The following RYR2 variants were observed in gnomAD, a reference collection of about 807,000 sequenced individuals.
The protein encoded by RYR2 is cardiac muscle ryanodine receptor-calcium release channel.
In RYR2, 227 loss-of-function variants were observed where a neutral mutation model predicts 601.1. The observed-to-expected ratio is 0.38, with a 90% CI of 0.34 to 0.42. The LOEUF is 0.42. Ranked by LOEUF, RYR2 falls within the 10% of genes least tolerant of loss-of-function variation. RYR2 has a pLI of 1.00. For synonymous variants in RYR2, 2,223 were observed against 2,175.1 expected, an observed-to-expected ratio of 1.02 and a Z score of -0.61; for missense variants, 4,646 against 6,156.5, an observed-to-expected ratio of 0.75 and a Z score of 8.21.
At chr1:237,551,169 G>C (rs1309812543) in intron 27 of RYR2, among the ~76,000 whole-genome samples, 2 of 152,158 alleles carry the variant, frequency 1.3e-5, no homozygotes, top group African/African-American at 4.8e-5. Flanking sequence ...AACTAACTAT[G>C]TGTTGAACAC....
intron 1 of RYR2, among the ~76,000 whole-genome samples, chr1:237,141,735 T>C (rs1448490725): frequency 6.6e-6 from 1 of 152,236 alleles, no homozygotes; most frequent in African/African-American, 2.4e-5. Context: ...GCTAATTTTC[T>C]GGCTCTTTGC....
rs748626622 is a variant in RYR2 at position 237,700,436 on chromosome 1, T to G, written c.9336T>G (p.Ile3112Met). ...TGCTGTCTTCATTATTTGAACATAT[T>G]GGCCAGCATCAGTTCGGAGAAGACC... ...LPMLSSLFEH[I>M]GQHQFGEDLI... The change falls in exon 65 of 105, where the codon ATT becomes ATG. Residue 3112 changes from isoleucine to methionine, a missense_variant. Ile to Met is a conservative substitution (Grantham distance 10). Around this residue, in one of 17 missense-constraint regions of RYR2, gnomAD observed 1,497 missense variants for 1,842.6 expected, o/e 0.81. Transcript: ENST00000366574. The G allele has an allele frequency of 3.1e-6, 5 of 1,601,086 alleles. No individual in the cohort carries two copies. Among genetic ancestry groups the G allele is most frequent in the Non-Finnish European group, 4.3e-6 (5 of 1,170,514 alleles).
chr1:237,566,850 C>A, intron 28 of RYR2, 75 bp downstream of exon 28: 2 of 1,440,450 alleles, frequency 1.4e-6, no homozygotes, highest in Non-Finnish European at 2.0e-6. Flanking sequence ...CTCTTGGTAG[C>A]TTCACAGTAC....
chr1:237,514,363 G>A (rs939975263), intron 24 of RYR2, among the ~76,000 whole-genome samples: 9 of 152,164 alleles, frequency 5.9e-5, no homozygotes, highest in Non-Finnish European at 1.0e-4. Context: ...CCAGCTGCTG[G>A]TGGCTGATTT....
intron 24 of RYR2, among the ~76,000 whole-genome samples, chr1:237,520,684 T>G (rs1379275821): frequency 6.6e-6 from 1 of 152,076 alleles, no homozygotes; most frequent in Non-Finnish European, 1.5e-5. Flanking sequence ...GCAGCCTCCC[T>G]CCCAAGACTG....
intron 22 of RYR2, 124 bp downstream of exon 22, chr1:237,503,629 G>A: frequency 2.4e-6 from 2 of 830,286 alleles, no homozygotes; most frequent in Non-Finnish European, 3.9e-6. Flanking sequence ...CAGTTGACAT[G>A]TAGGACTGAA....
intron 15 of RYR2, among the ~76,000 whole-genome samples, chr1:237,456,234 C>G (rs1006680081): frequency 6.6e-6 from 1 of 152,092 alleles, no homozygotes; most frequent in Non-Finnish European, 1.5e-5. Context: ...TTTTCATGAG[C>G]TTTACCTGAT....
At chr1:237,686,942 G>A (rs1157743325) in intron 62 of RYR2, among the ~76,000 whole-genome samples, 1 of 152,186 alleles carries the variant, frequency 6.6e-6, no homozygotes, top group Non-Finnish European at 1.5e-5. Flanking sequence ...TGTGATCAAG[G>A]TTGGGGACGA....
intron 1 of RYR2, among the ~76,000 whole-genome samples, chr1:237,127,058 C>G (rs1370086994): frequency 6.6e-6 from 1 of 151,710 alleles, no homozygotes; most frequent in Non-Finnish European, 1.5e-5. Flanking sequence ...CCATTTAACC[C>G]TGAGTGGACA....
chr1:237,589,295 C>CT (rs201322834), intron 29 of RYR2, among the ~76,000 whole-genome samples: 5 of 152,132 alleles, frequency 3.3e-5, no homozygotes, highest in African/African-American at 9.6e-5. Flanking sequence ...GCCTCCAATT[C>CT]TTTTTTTTCT....
chr1:237,577,549 T>TGTGTG (rs1673393552), intron 29 of RYR2, among the ~76,000 whole-genome samples: 7 of 47,612 alleles, frequency 1.5e-4, no homozygotes, highest in Non-Finnish European at 2.1e-4. Flanking sequence ...TGTGTGTGTG[T>TGTGTG]TTGAGAGAGA....
intron 3 of RYR2, among the ~76,000 whole-genome samples, chr1:237,349,028 G>A (rs1036493724): frequency 4.6e-5 from 7 of 152,166 alleles, no homozygotes; most frequent in African/African-American, 1.7e-4. Context: ...TGCATTAACT[G>A]TAGTAATAAA....
chr1:237,703,989 T>C (rs1269976975), intron 66 of RYR2, among the ~76,000 whole-genome samples: 1 of 152,242 alleles, frequency 6.6e-6, no homozygotes, highest in Non-Finnish European at 1.5e-5. Flanking sequence ...CTGATAAATA[T>C]TATAGTGGCA....
intron 75 of RYR2, 34 bp downstream of exon 75, chr1:237,726,342 A>G (rs1690196034): frequency 9.9e-6 from 14 of 1,415,440 alleles, no homozygotes; most frequent in Non-Finnish European, 1.4e-5. Flanking sequence ...AGAGATTACT[A>G]ATTAATTTAG....
At chr1:237,706,864 A>G (rs1482214111) in intron 67 of RYR2, 85 bp from the exon 68 acceptor site, 13 of 1,218,972 alleles carry the variant, frequency 1.1e-5, no homozygotes, top group Admixed American at 5.6e-5. Context: ...TTGAAGTCCA[A>G]AATGAAATAG....
intron 1 of RYR2, among the ~76,000 whole-genome samples, chr1:237,262,336 A>G (rs574068038): frequency 7.4e-6 from 1 of 134,710 alleles, no homozygotes; most frequent in Non-Finnish European, 1.5e-5. Context: ...GCTCACTGCA[A>G]CCTCCGCCTC....
intron 2 of RYR2, among the ~76,000 whole-genome samples, chr1:237,281,632 T>C (rs1483992892): frequency 6.6e-6 from 1 of 152,248 alleles, no homozygotes; most frequent in Admixed American, 6.5e-5. Context: ...TCCTTCCTTC[T>C]GCTCTGCTGC....
intron 84 of RYR2, among the ~76,000 whole-genome samples, chr1:237,763,936 G>A (rs1315342607): frequency 6.6e-6 from 1 of 152,142 alleles, no homozygotes; most frequent in African/African-American, 2.4e-5. Context: ...CTCTTGGAAG[G>A]GATAGAAAAG....
chr1:237,372,085 A>G (rs1257940448), intron 6 of RYR2, among the ~76,000 whole-genome samples: 1 of 152,212 alleles, frequency 6.6e-6, no homozygotes, highest in East Asian at 1.9e-4. Context: ...CCACTATCCA[A>G]CAAGGGCACA....
Sources: allele counts gnomAD v4.1 joint callset (sites outside exome capture counted in the v4.1 genomes callset), GRCh38; gene constraint gnomAD v4.1.1; regional missense constraint gnomAD v4.1.1; transcripts MANE v1.5; gene names NCBI Gene and HGNC (gene_info 2026-07-23, HGNC 2026-07-21).